The following PAGE2B variants were observed in gnomAD, a reference collection of about 807,000 sequenced individuals.
PAGE2B encodes PAGE family member 2B.
Under a neutral mutation model 7.6 loss-of-function variants are expected in PAGE2B, and 5 were observed. The ratio of observed to expected loss-of-function variants is 0.66; its 90% CI spans 0.34 to 1.38. PAGE2B has a LOEUF of 1.38. Among genes scored for constraint, PAGE2B ranks in the 40% most tolerant of loss-of-function variants. The pLI is 0.04. For synonymous variants in PAGE2B, 29 were observed against 26.7 expected, an observed-to-expected ratio of 1.09 and a Z score of -0.27; for missense variants, 70 against 78.4, an observed-to-expected ratio of 0.89 and a Z score of 0.41.
intron 4 of PAGE2B, 93 bp downstream of exon 4, chrX:55,077,617 A>G (rs1224242634): frequency 8.5e-7 from 1 of 1,179,577 alleles, no homozygotes; most frequent in African/African-American, 1.8e-5. Flanking sequence ...CTTTAATATC[A>G]TACTTCACGT....
upstream of PAGE2B, among the ~76,000 whole-genome samples, chrX:55,071,385 C>T (rs1331992819): frequency 8.9e-6 from 1 of 111,739 alleles, no homozygotes; most frequent in East Asian, 2.8e-4. Flanking sequence ...CCCCCACTCT[C>T]TTCTGGCTTA....
At chrX:55,057,298 C>T in the PAGE2B span, among the ~76,000 whole-genome samples, 1 of 111,750 alleles carries the variant, frequency 8.9e-6, no homozygotes, top group Non-Finnish European at 1.9e-5. Context: ...GCTTGATTCA[C>T]GAGCTTGTGA....
At chrX:55,067,195 A>G in the PAGE2B span, among the ~76,000 whole-genome samples, 1 of 110,553 alleles carries the variant, frequency 9.0e-6, no homozygotes, top group Non-Finnish European at 1.9e-5. Flanking sequence ...TCCTAATGCT[A>G]TCACTCCCCT....
chrX:55,046,753 T>C, the PAGE2B span, among the ~76,000 whole-genome samples: 8 of 111,772 alleles, frequency 7.2e-5, no homozygotes, highest in Non-Finnish European at 1.3e-4. Context: ...ATGGCCATAT[T>C]TCTGGGATAG....
the PAGE2B span, among the ~76,000 whole-genome samples, chrX:55,049,278 G>A: frequency 7.2e-5 from 8 of 110,684 alleles, no homozygotes; most frequent in African/African-American, 2.6e-4. Flanking sequence ...TTTTTTTGTT[G>A]TGTCTCTGCC....
the PAGE2B span, among the ~76,000 whole-genome samples, chrX:55,068,536 C>T: frequency 8.9e-6 from 1 of 111,751 alleles, no homozygotes; most frequent in Non-Finnish European, 1.9e-5. Context: ...TTTTTGGTTC[C>T]ATACGAAATT....
chrX:55,029,314 C>T, the PAGE2B span, among the ~76,000 whole-genome samples: 1 of 111,342 alleles, frequency 9.0e-6, no homozygotes, highest in Non-Finnish European at 1.9e-5. Context: ...TTCATAGATT[C>T]CGCCTAGTTC....
chrX:55,037,531 A>G, the PAGE2B span, among the ~76,000 whole-genome samples: 1 of 109,788 alleles, frequency 9.1e-6, no homozygotes, highest in Non-Finnish European at 1.9e-5. Flanking sequence ...ATACCATTTG[A>G]CCCAGCAATC....
At chrX:55,065,926 G>A in the PAGE2B span, among the ~76,000 whole-genome samples, 2 of 111,550 alleles carry the variant, frequency 1.8e-5, no homozygotes, top group African/African-American at 6.5e-5. Flanking sequence ...AAAAGTTGGT[G>A]GAGTTATTAT....
At chrX:55,047,498 C>A in the PAGE2B span, among the ~76,000 whole-genome samples, 4 of 111,833 alleles carry the variant, frequency 3.6e-5, no homozygotes, top group East Asian at 2.8e-4. Context: ...GCCACACTGA[C>A]TTCCACAATG....
At chrX:55,054,025 C>A in the PAGE2B span, among the ~76,000 whole-genome samples, 1 of 111,521 alleles carries the variant, frequency 9.0e-6, no homozygotes, top group Non-Finnish European at 1.9e-5. Flanking sequence ...ACCATCCTGG[C>A]TAACACAGTG....
the PAGE2B span, among the ~76,000 whole-genome samples, chrX:55,061,913 G>T: frequency 3.6e-5 from 4 of 111,547 alleles, no homozygotes; most frequent in Non-Finnish European, 7.5e-5. Context: ...CCATGTTGCT[G>T]CAAATGACTG....
upstream of PAGE2B, among the ~76,000 whole-genome samples, chrX:55,072,560 C>T (rs1936460278): frequency 8.9e-6 from 1 of 112,545 alleles, no homozygotes; most frequent in Non-Finnish European, 1.9e-5. Context: ...GGCAGTCTGT[C>T]CCTTACCAGA....
At chrX:55,059,058 G>T in the PAGE2B span, among the ~76,000 whole-genome samples, 1 of 111,762 alleles carries the variant, frequency 8.9e-6, no homozygotes, top group Non-Finnish European at 1.9e-5. Flanking sequence ...TAAATCTGAT[G>T]AAATTAGCGT....
chrX:55,034,143 C>T, the PAGE2B span, among the ~76,000 whole-genome samples: 1 of 111,789 alleles, frequency 8.9e-6, no homozygotes, highest in Admixed American at 9.5e-5. Flanking sequence ...TCACTATCAG[C>T]ATCTCTCTCC....
the PAGE2B span, among the ~76,000 whole-genome samples, chrX:55,062,228 G>A: frequency 7.2e-5 from 8 of 111,614 alleles, no homozygotes; most frequent in Non-Finnish European, 1.3e-4. Context: ...GTGCAGGGGA[G>A]TTCCCTTTTC....
chrX:55,076,672 T>C lies in PAGE2B; in HGVS notation c.188T>C (p.Val63Ala), dbSNP rs1298675486. Residue 63 changes from valine to alanine, a missense_variant, in exon 3 of 5, where the codon GTT (valine) becomes GCT (alanine). Val to Ala is a moderately conservative substitution (Grantham distance 64). Coordinates refer to ENST00000374971, the MANE Select transcript of PAGE2B (RefSeq NM_001015038.3). Reference protein sequence around the residue: ...GEIENEGAPAVQGPDMEAFQQ... With the variant: ...GEIENEGAPAAQGPDMEAFQQ... Reference sequence around the variant, plus strand: ...ATCGAAAATGAAGGAGCACCTGCCGTTCAAGGTGAAGGGAGAGTGGAGAAT... The same window carrying C: ...ATCGAAAATGAAGGAGCACCTGCCGCTCAAGGTGAAGGGAGAGTGGAGAAT... The C allele has an allele frequency of 8.3e-7, 1 of 1,201,206 alleles. No individual in the cohort carries two copies. The highest frequency in any genetic ancestry group is 1.1e-6 in the Non-Finnish European group (1 of 890,852).
the PAGE2B span, among the ~76,000 whole-genome samples, chrX:55,062,712 T>G: frequency 8.9e-6 from 1 of 111,934 alleles, no homozygotes; most frequent in Non-Finnish European, 1.9e-5. Context: ...ATGTTTTCCT[T>G]TGGTGGTTTC....
the PAGE2B span, among the ~76,000 whole-genome samples, chrX:55,068,391 G>A: frequency 9.0e-6 from 1 of 111,272 alleles, no homozygotes; most frequent in Non-Finnish European, 1.9e-5. Context: ...CTGTTGCATT[G>A]GTCTATATAT....
Sources: gnomAD v4.1 joint callset for allele counts (sites outside exome capture counted in the v4.1 genomes callset) on GRCh38, gnomAD v4.1.1 for gene constraint, MANE v1.5 for transcripts, NCBI Gene and HGNC (gene_info 2026-07-23, HGNC 2026-07-21) for gene names.